Variants in DEPDC1B observed in about 807,000 individuals in gnomAD.
DEPDC1B encodes the protein DEP domain containing 1B, also known as DEP domain-containing protein 1B.
DEPDC1B carries 51 observed loss-of-function variants against 66.5 expected under a neutral mutation model. The observed-to-expected ratio is 0.77, with a 90% CI of 0.61 to 0.97. DEPDC1B has a LOEUF of 0.97. Among genes scored for constraint, DEPDC1B ranks in the 50% least tolerant of loss-of-function variants. The pLI, the probability that DEPDC1B is intolerant of heterozygous loss-of-function variation, is 0.00. For synonymous variants in DEPDC1B, 226 were observed against 223.6 expected (o/e 1.01, Z -0.10); for missense variants, 552 against 637.1 (o/e 0.87, Z 1.44).
intron 2 of DEPDC1B, among the ~76,000 whole-genome samples, chr5:60,667,666 A>G (rs1753886763): frequency 7.0e-6 from 1 of 143,552 alleles, no homozygotes; most frequent in African/African-American, 2.5e-5. Context: ...CATGTATATA[A>G]TGGATATTTT....
rs565010935 is a variant in DEPDC1B at position 60,650,904 on chromosome 5, A to C, written c.315-3371T>G. On this transcript the variant is annotated intron_variant, in intron 2 of 10. Coordinates refer to ENST00000265036, the MANE Select transcript of DEPDC1B (RefSeq NM_018369.3). ...TGCTTTGATAAATACAATAAGGAAGAAGCACTAGCCTAACTGGCTAGAACT... is the reference window on the plus strand; with the variant it reads ...TGCTTTGATAAATACAATAAGGAAGCAGCACTAGCCTAACTGGCTAGAACT... 9.2e-5 allele frequency among the ~76,000 whole-genome samples: 14 copies of C among 152,264 alleles called. No homozygotes were observed. In the East Asian group the frequency reaches 2.7e-3, roughly 29 times the overall value.
Position 60,597,689 on chromosome 5 carries a change from C to T in DEPDC1B, c.*64G>A. ...TTTCTTCCACCACCAAAGTCTTTCT[C>T]CTAACCACCATTCACTCAAAACAAC... On this transcript the variant is annotated 3_prime_UTR_variant, in exon 11 of 11. Transcript: ENST00000265036. The T allele has an allele frequency of 1.3e-6, 2 of 1,528,950 alleles. No homozygotes were observed. Among genetic ancestry groups the T allele is most frequent in the South Asian group, 1.3e-5 (1 of 79,682 alleles). The allele number at this position is 1,528,950 out of a possible 1,614,324, so 94.7% of individuals were successfully genotyped here. A position where few individuals can be genotyped will look rare whatever the true frequency, so the allele number is the denominator to read the frequency against.
chr5:60,645,433 A>T, intron 4 of DEPDC1B, 59 bp downstream of exon 4: 1 of 1,465,570 alleles, frequency 6.8e-7, no homozygotes, highest in Non-Finnish European at 9.2e-7. Flanking sequence ...GAGAGTGAAG[A>T]AGTAGCAAAA....
chr5:60,598,475 T>C (rs1752138363), intron 10 of DEPDC1B, among the ~76,000 whole-genome samples: 1 of 152,338 alleles, frequency 6.6e-6, no homozygotes, highest in African/African-American at 2.4e-5. Context: ...AATCCAACTA[T>C]GTAGAGTTCA....
At chr5:60,663,703 G>C (rs1054155935) in intron 2 of DEPDC1B, among the ~76,000 whole-genome samples, 2 of 152,134 alleles carry the variant, frequency 1.3e-5, no homozygotes, top group African/African-American at 4.8e-5. Flanking sequence ...TCTCATACTT[G>C]GTCACTCTTG....
chr5:60,642,240 A>T (rs1753206978), intron 6 of DEPDC1B, among the ~76,000 whole-genome samples: 1 of 152,178 alleles, frequency 6.6e-6, no homozygotes, highest in South Asian at 2.1e-4. Flanking sequence ...AAATAACTAG[A>T]ACTCTTTCCA....
chr5:60,666,999 A>G (rs1753856007), intron 2 of DEPDC1B, among the ~76,000 whole-genome samples: 1 of 152,222 alleles, frequency 6.6e-6, no homozygotes, highest in Non-Finnish European at 1.5e-5. Flanking sequence ...TGAGTAAAAT[A>G]AAATGGTTAC....
intron 7 of DEPDC1B, among the ~76,000 whole-genome samples, chr5:60,614,206 G>C (rs974023402): frequency 6.6e-6 from 1 of 152,134 alleles, no homozygotes; most frequent in Non-Finnish European, 1.5e-5. Context: ...TCTGAGCCTT[G>C]ATTTTATCTT....
At chr5:60,626,090 C>G (rs1049440064) in intron 7 of DEPDC1B, among the ~76,000 whole-genome samples, 1 of 151,978 alleles carries the variant, frequency 6.6e-6, no homozygotes, top group Non-Finnish European at 1.5e-5. Context: ...ATTATCTAAT[C>G]CAGAACATTT....
In DEPDC1B at chr5:60,597,618, A is replaced by G; in HGVS notation, c.*135T>C. 2 of 967,448 alleles carry G rather than the reference A, an allele frequency of 2.1e-6. No individual in the cohort carries two copies. Among genetic ancestry groups the G allele is most frequent in the East Asian group, 5.5e-5 (2 of 36,354 alleles). 59.9% of individuals were successfully genotyped at this position (967,448 alleles called of 1,614,324 possible). On this transcript the variant is annotated 3_prime_UTR_variant, in exon 11 of 11. Coordinates refer to ENST00000265036, the MANE Select transcript of DEPDC1B (RefSeq NM_018369.3). ...AATGGCCAAACATTTTTAAAAACTA[A>G]GGCAATCTTTATCTATATTTCAGTA...
chr5:60,680,109 G>A (rs1754264540), intron 2 of DEPDC1B, among the ~76,000 whole-genome samples: 2 of 152,146 alleles, frequency 1.3e-5, no homozygotes, highest in Admixed American at 1.3e-4. Flanking sequence ...AACATATAAA[G>A]TAGTATAATT....
chr5:60,607,034 C>A (rs1351505123), intron 7 of DEPDC1B, among the ~76,000 whole-genome samples: 1 of 152,146 alleles, frequency 6.6e-6, no homozygotes, highest in Admixed American at 6.5e-5. Context: ...ATATACCAGG[C>A]CTCTTCCTTT....
intron 2 of DEPDC1B, among the ~76,000 whole-genome samples, chr5:60,680,417 TA>T (rs34743672): frequency 6.6e-5 from 10 of 151,712 alleles, no homozygotes; most frequent in Non-Finnish European, 1.2e-4. Flanking sequence ...CTTGAGTCTT[TA>T]AAAAAAAATT....
At chr5:60,692,958 AAAT>A (rs1754579886) in intron 1 of DEPDC1B, among the ~76,000 whole-genome samples, 1 of 152,162 alleles carries the variant, frequency 6.6e-6, no homozygotes, top group Non-Finnish European at 1.5e-5. Context: ...ATGATATTTA[AAAT>A]AATGATAGCA....
chr5:60,622,239 T>A (rs1281514837), intron 7 of DEPDC1B, among the ~76,000 whole-genome samples: 1 of 152,168 alleles, frequency 6.6e-6, no homozygotes, highest in Non-Finnish European at 1.5e-5. Flanking sequence ...GTAAGGCCTC[T>A]CGATCCCCTA....
intron 7 of DEPDC1B, among the ~76,000 whole-genome samples, chr5:60,621,940 T>C (rs1752713121): frequency 6.6e-6 from 1 of 152,136 alleles, no homozygotes; most frequent in Non-Finnish European, 1.5e-5. Context: ...TTTGACTTCT[T>C]TATTACCTTT....
intron 2 of DEPDC1B, among the ~76,000 whole-genome samples, chr5:60,661,949 T>C (rs1350466483): frequency 6.6e-6 from 1 of 152,116 alleles, no homozygotes; most frequent in East Asian, 1.9e-4. Context: ...TCCACCATAA[T>C]ACAGGGAAAG....
At chr5:60,602,931 G>T (rs1752232021) in intron 9 of DEPDC1B, among the ~76,000 whole-genome samples, 1 of 152,178 alleles carries the variant, frequency 6.6e-6, no homozygotes, top group African/African-American at 2.4e-5. Flanking sequence ...AATATGGAAT[G>T]ATAGTTTAGA....
At chr5:60,605,934 T>C (rs1307501902) in intron 7 of DEPDC1B, 78 bp from the exon 8 acceptor site, 5 of 1,199,604 alleles carry the variant, frequency 4.2e-6, no homozygotes, top group Non-Finnish European at 2.3e-6. Context: ...TTTAACAAAA[T>C]ATATATTAGT....
Sources: gnomAD v4.1 joint callset for allele counts (sites outside exome capture counted in the v4.1 genomes callset) on GRCh38, gnomAD v4.1.1 for gene constraint, MANE v1.5 for transcripts, NCBI Gene and HGNC (gene_info 2026-07-23, HGNC 2026-07-21) for gene names.